The following FBXL13 variants were observed in gnomAD, a reference collection of about 807,000 sequenced individuals.
The protein encoded by FBXL13 is F-box and leucine rich repeat protein 13, also known as F-box and leucine-rich repeat protein 13.
In FBXL13, 67 loss-of-function variants were observed where a neutral mutation model predicts 83.6. The observed-to-expected ratio is 0.80, with a 90% CI of 0.66 to 0.98. The LOEUF is 0.98. FBXL13 is among the 50% of genes least tolerant of loss of function. The pLI is 0.00. For synonymous variants in FBXL13, 272 were observed against 299.5 expected (o/e 0.91, Z 0.95); for missense variants, 822 against 866.5 (o/e 0.95, Z 0.64).
chr7:103,048,740 A>G (rs930139705), intron 2 of FBXL13, among the ~76,000 whole-genome samples: 1 of 152,200 alleles, frequency 6.6e-6, no homozygotes, highest in African/African-American at 2.4e-5. Flanking sequence ...TTTAGTCAAT[A>G]TTTTCACACA....
In FBXL13 at chr7:102,826,769, A is replaced by ATATATATG. The variant is rs1414065543; in HGVS notation, c.1855-4567_1855-4566insCATATATA. Reference sequence around the variant, plus strand: ...TATATATATATATATATATATATATATATGTATATATATCTCTAATATATT... The same window carrying ATATATATG: ...TATATATATATATATATATATATATATATATATGTATGTATATATATCTCTAATATATT... On this transcript the variant is annotated intron_variant, in intron 18 of 19. Transcript: ENST00000313221. Among the ~76,000 whole-genome samples the ATATATATG allele has an allele frequency of 8.5e-3, 851 of 100,580 alleles. 45 individuals are homozygous for ATATATATG. The highest frequency in any genetic ancestry group is 0.016 in the Middle Eastern group (3 of 192). 66.0% of individuals were successfully genotyped at this position (100,580 alleles called of 152,430 possible).
At chr7:102,867,695 A>ATATTTTTTTTTTT (rs1239781180) in intron 16 of FBXL13, among the ~76,000 whole-genome samples, 1 of 49,064 alleles carries the variant, frequency 2.0e-5, no homozygotes, top group African/African-American at 1.2e-4. Flanking sequence ...ATATATATAT[A>ATATTTTTTTTTTT]TTTTTTTTTT....
intron 14 of FBXL13, among the ~76,000 whole-genome samples, chr7:102,878,869 A>C (rs987486163): frequency 1.3e-5 from 2 of 152,176 alleles, no homozygotes; most frequent in Non-Finnish European, 2.9e-5. Context: ...CACTAAATAC[A>C]AGGTCAATTT....
intron 17 of FBXL13, among the ~76,000 whole-genome samples, chr7:102,834,032 T>TGAAGGAAGGAAGGAAGGAAG (rs199540401): frequency 2.8e-4 from 21 of 75,468 alleles, no homozygotes; most frequent in East Asian, 7.9e-4. Context: ...GAAACCATGA[T>TGAAGGAAGGAAGGAAGGAAG]GAAGGAAGGA....
chr7:103,060,573 T>C (rs970213527), intron 1 of FBXL13, among the ~76,000 whole-genome samples: 11 of 152,132 alleles, frequency 7.2e-5, no homozygotes, highest in African/African-American at 2.7e-4. Context: ...GAGAACTGAA[T>C]AGACCAATAG....
intron 4 of FBXL13, 112 bp from the exon 6 acceptor site, chr7:103,027,670 G>A (rs978929861): frequency 2.9e-5 from 18 of 623,970 alleles, no homozygotes; most frequent in East Asian, 8.9e-5. Flanking sequence ...GCATCTGATC[G>A]TTTTTGTTTG....
intron 17 of FBXL13, among the ~76,000 whole-genome samples, chr7:102,846,481 T>C (rs1034154924): frequency 6.6e-6 from 1 of 152,056 alleles, no homozygotes; most frequent in African/African-American, 2.4e-5. Context: ...GAGCTGAGGA[T>C]GATGGCACAT....
chr7:103,029,351 C>CA lies in FBXL13; in HGVS notation c.67dup (p.Cys23LeufsTer11). 6.5e-7 allele frequency: 1 copy of CA among 1,534,542 alleles called. No homozygotes were observed. Among genetic ancestry groups the CA allele is most frequent in the Non-Finnish European group, 8.8e-7 (1 of 1,135,088 alleles). ...GAAATTGTAAAAATCACATTCTTAC[C>CA]AAAAATGAGTCTTTACTAAATGTCC... On this transcript the variant is annotated frameshift_variant and splice_region_variant, in exon 3 of 20. Transcript: ENST00000313221. LOFTEE classifies it high-confidence loss of function.
chr7:102,934,793 C>T (rs1310044214), intron 8 of FBXL13: 1 of 1,019,166 alleles, frequency 9.8e-7, no homozygotes, highest in African/African-American at 1.6e-5. Flanking sequence ...GATGTCACTT[C>T]CACCAGAAAT....
At chr7:102,980,550 G>T (rs1327607827) in intron 6 of FBXL13, among the ~76,000 whole-genome samples, 1 of 152,220 alleles carries the variant, frequency 6.6e-6, no homozygotes, top group Non-Finnish European at 1.5e-5. Context: ...GGCTGAGGCA[G>T]GCGAATCACG....
chr7:103,035,141 G>A (rs925339427), intron 2 of FBXL13, among the ~76,000 whole-genome samples: 2 of 152,182 alleles, frequency 1.3e-5, no homozygotes, highest in African/African-American at 4.8e-5. Flanking sequence ...GGGAAAGGAA[G>A]AGTATTTGGC....
chr7:103,043,499 C>A (rs1327639587), intron 2 of FBXL13, among the ~76,000 whole-genome samples: 1 of 152,180 alleles, frequency 6.6e-6, no homozygotes, highest in Non-Finnish European at 1.5e-5. Flanking sequence ...GATTATAAGT[C>A]ATGCTACTAT....
chr7:102,832,095 G>C (rs1584493681), intron 18 of FBXL13, among the ~76,000 whole-genome samples: 1 of 152,122 alleles, frequency 6.6e-6, no homozygotes, highest in East Asian at 1.9e-4. Flanking sequence ...AAATACCAGC[G>C]ATGGTTATGT....
chr7:102,841,618 T>C (rs1202832972), intron 17 of FBXL13, among the ~76,000 whole-genome samples: 1 of 152,228 alleles, frequency 6.6e-6, no homozygotes, highest in African/African-American at 2.4e-5. Flanking sequence ...TCCCACATCC[T>C]TTGAAGTCTA....
At chr7:103,055,361 T>C (rs1382139514) in intron 2 of FBXL13, among the ~76,000 whole-genome samples, 183 bp from the exon 3 acceptor site, 1 of 152,206 alleles carries the variant, frequency 6.6e-6, no homozygotes, top group Non-Finnish European at 1.5e-5. Context: ...GATTTTGCTG[T>C]GTCCCCCAAA....
intron 8 of FBXL13, among the ~76,000 whole-genome samples, chr7:102,962,902 C>T (rs1199241909): frequency 1.3e-5 from 2 of 149,696 alleles, no homozygotes; most frequent in East Asian, 2.0e-4. Flanking sequence ...TTAGTGGGTG[C>T]AGCACACCAG....
At chr7:103,006,636 A>C (rs138197078) in intron 6 of FBXL13, among the ~76,000 whole-genome samples, 19 of 152,282 alleles carry the variant, frequency 1.2e-4, no homozygotes, top group Non-Finnish European at 2.5e-4. Context: ...ACAAAATTCA[A>C]CTCTCTTCAA....
intron 17 of FBXL13, among the ~76,000 whole-genome samples, chr7:102,839,980 C>G (rs1226152148): frequency 1.3e-5 from 2 of 152,126 alleles, no homozygotes; most frequent in African/African-American, 2.4e-5. Flanking sequence ...ACCTACCCAA[C>G]AGCACACCTT....
chr7:102,863,000 C>G (rs1807085912), intron 16 of FBXL13, among the ~76,000 whole-genome samples: 1 of 152,208 alleles, frequency 6.6e-6, no homozygotes, highest in African/African-American at 2.4e-5. Flanking sequence ...TCCTGAGATA[C>G]AGATCTTGTT....
Sources: gnomAD v4.1 joint callset for allele counts (sites outside exome capture counted in the v4.1 genomes callset) on GRCh38, gnomAD v4.1.1 for gene constraint, MANE v1.5 for transcripts, NCBI Gene and HGNC (gene_info 2026-07-23, HGNC 2026-07-21) for gene names.